Variants in STRA6 observed in about 807,000 individuals in gnomAD.
The protein encoded by STRA6 is signaling receptor and transporter of retinol STRA6.
A neutral mutation model predicts 83.6 loss-of-function variants in STRA6; 48 were observed. That is an observed-to-expected ratio of 0.57 (90% CI 0.46 to 0.73). The LOEUF (loss-of-function observed/expected upper bound fraction) is 0.73. STRA6 is among the 30% of genes least tolerant of loss of function. The pLI is 0.00. For synonymous variants in STRA6, 353 were observed against 362.3 expected (o/e 0.97, Z 0.29); for missense variants, 760 against 838.8 (o/e 0.91, Z 1.16).
At chr15:74,202,312 C>A in intron 1 of STRA6, 30 bp from the exon 2 acceptor site, 1 of 1,566,080 alleles carries the variant, frequency 6.4e-7, no homozygotes. Context: ...AAAAAAAAAG[C>A]CACTACAGAT....
Position 74,188,123 on chromosome 15 carries a change from G to A in STRA6, c.1090+992C>T, listed in dbSNP as rs552866601. On this transcript the variant is annotated intron_variant, in intron 12 of 18. Transcript: ENST00000395105. The surrounding 1 kb of genome is among the most constrained non-coding windows in gnomAD (Gnocchi z 4.5). ...CTAGTACGGGAACTGAGGTGCTCAC[G>A]GAGATGGTGGAGGTGGTCAGGGAAG... Among the ~76,000 whole-genome samples, 1 of 152,190 alleles carries A rather than the reference G, an allele frequency of 6.6e-6. No individual in the cohort carries two copies. Among genetic ancestry groups the A allele is most frequent in the African/African-American group, 2.4e-5 (1 of 41,460 alleles).
Position 74,179,903 on chromosome 15 carries a change from A to G in STRA6, c.*177T>C. ...GGCTCTCCCATAGCCAAGTGGGTGG[A>G]GCAGAGCCCTCCTGAGGCTCCCAGT... On this transcript the variant is annotated 3_prime_UTR_variant, in exon 19 of 19. Transcript: ENST00000395105. 1.2e-6 allele frequency: 1 copy of G among 814,748 alleles called. No homozygotes were observed. 50.5% of individuals were successfully genotyped at this position (814,748 alleles called of 1,614,324 possible).
upstream of STRA6, among the ~76,000 whole-genome samples, chr15:74,207,539 G>C (rs1190193523): frequency 6.6e-6 from 1 of 152,178 alleles, no homozygotes; most frequent in Non-Finnish European, 1.5e-5. Context: ...GACCCCCGTT[G>C]CTCTCCACCC....
Position 74,193,940 on chromosome 15 carries a change from C to T in STRA6, c.598-18G>A. On this transcript the variant is annotated intron_variant, in intron 7 of 18. Coordinates refer to ENST00000395105, the MANE Select transcript of STRA6 (RefSeq NM_022369.4). ...TTGTAGATCTGGACAGACAAACACC[C>T]AGACAGACTACTTTCCACCTTCTTC... 6.2e-7 allele frequency: 1 copy of T among 1,611,988 alleles called. No individual in the cohort carries two copies. Among genetic ancestry groups the T allele is most frequent in the Non-Finnish European group, 8.5e-7 (1 of 1,178,620 alleles).
intron 14 of STRA6, 142 bp from the exon 15 acceptor site, chr15:74,182,602 C>A: frequency 1.5e-6 from 1 of 671,210 alleles, no homozygotes. Flanking sequence ...GCTATGCTGC[C>A]TTGAACAAAT....
chr15:74,209,779 A>AATG (rs1382986402), upstream of STRA6: 3 of 266,562 alleles, frequency 1.1e-5, no homozygotes, highest in African/African-American at 6.6e-5. Context: ...TGGGGAAGGA[A>AATG]ATGGTGCTCA....
At chr15:74,187,929 G>T (rs1187597037) in intron 12 of STRA6, among the ~76,000 whole-genome samples, 1 of 152,152 alleles carries the variant, frequency 6.6e-6, no homozygotes, top group African/African-American at 2.4e-5. Context: ...GGGTCACTGT[G>T]AGCAAGGGTC....
In STRA6 at chr15:74,197,398, A is replaced by G. The variant is rs2073867866; in HGVS notation, c.206T>C (p.Met69Thr). 2 of 1,550,510 alleles carry G rather than the reference A, an allele frequency of 1.3e-6. No individual in the cohort carries two copies. Among genetic ancestry groups the G allele is most frequent in the Non-Finnish European group, 1.7e-6 (2 of 1,146,912 alleles). ...CCAGAGCTGGCGGCGCCTCACCAGC[A>G]TGGCCAGGAGCAGCAGCACAAGGAT... ...LSILVLLLLA[M>T]LVRRRQLWPD... is the part of the protein sequence containing the mutation. The change falls in exon 4 of 19, where the codon ATG (methionine) becomes ACG (threonine). Residue 69 changes from methionine to threonine, a missense_variant. Coordinates refer to ENST00000395105, the MANE Select transcript of STRA6 (RefSeq NM_022369.4).
At chr15:74,201,633 C>T (rs938890952) in intron 2 of STRA6, among the ~76,000 whole-genome samples, 1 of 152,182 alleles carries the variant, frequency 6.6e-6, no homozygotes, top group Non-Finnish European at 1.5e-5. Flanking sequence ...CTGAGACCAT[C>T]CAAAGACAAC....
chr15:74,205,784 C>T (rs541696593), upstream of STRA6, among the ~76,000 whole-genome samples: 2 of 152,332 alleles, frequency 1.3e-5, no homozygotes, highest in South Asian at 4.1e-4. Context: ...ACAATACCAC[C>T]TCCCTCCTCA....
intron 13 of STRA6, 110 bp from the exon 14 acceptor site, chr15:74,184,099 C>T: frequency 6.6e-7 from 1 of 1,509,700 alleles, no homozygotes; most frequent in Non-Finnish European, 9.0e-7. Context: ...AACTCACAGC[C>T]ATCAGCAGGG....
rs933934401 is a variant in STRA6 at position 74,188,985 on chromosome 15, C to T, written c.1090+130G>A. Reference sequence around the variant, plus strand: ...TGCCACAATTTGGAGATGAGGCAATCGAGACCCAGAGAGAGGAAGGAATGT... The same window carrying T: ...TGCCACAATTTGGAGATGAGGCAATTGAGACCCAGAGAGAGGAAGGAATGT... On this transcript the variant is annotated intron_variant, in intron 12 of 18. Transcript: ENST00000395105. The surrounding 1 kb of genome is among the most constrained non-coding windows in gnomAD (Gnocchi z 4.5). 6.9e-6 allele frequency: 8 copies of T among 1,156,010 alleles called. No homozygotes were observed. Among genetic ancestry groups the T allele is most frequent in the Non-Finnish European group, 8.6e-6 (7 of 811,370 alleles). 71.6% of individuals were successfully genotyped at this position (1,156,010 alleles called of 1,614,324 possible).
At chr15:74,207,733 G>A (rs1430234253), upstream of STRA6, 11 of 1,535,596 alleles carry the variant, frequency 7.2e-6, no homozygotes, top group South Asian at 9.5e-5. Context: ...CCATGAATAA[G>A]CAGCCGAGAG....
intron 7 of STRA6, chr15:74,195,046 A>T: frequency 1.4e-6 from 2 of 1,443,694 alleles, no homozygotes; most frequent in South Asian, 2.9e-5. Flanking sequence ...TCTTCCCCCT[A>T]CTCTGCCCAC....
upstream of STRA6, chr15:74,202,823 T>A: frequency 9.2e-7 from 1 of 1,082,482 alleles, no homozygotes. Flanking sequence ...CTTGAGCCCC[T>A]CCCCCAGCCT....
chr15:74,197,535 T>C (rs2073874911), intron 3 of STRA6, 112 bp from the exon 4 acceptor site: 1 of 1,111,050 alleles, frequency 9.0e-7, no homozygotes, highest in Non-Finnish European at 1.3e-6. Context: ...CAGTGCACAC[T>C]CATGTGACAT....
chr15:74,182,211 G>C lies in STRA6; in HGVS notation c.1470C>G (p.Ala490=). 6.2e-7 allele frequency: 1 copy of C among 1,614,190 alleles called. No individual in the cohort carries two copies. The highest frequency in any genetic ancestry group is 8.5e-7 in the Non-Finnish European group (1 of 1,180,024). Residue 490 remains alanine, a synonymous_variant, in exon 16 of 19, where the codon GCC becomes GCG. Coordinates refer to ENST00000395105, the MANE Select transcript of STRA6 (RefSeq NM_022369.4). ...ALAVILQNMA[A]HWVFLETHDG... ...CATGAGTCTCCAGGAAGACCCAATG[G>C]GCTGCCATGTTCTGCAGGATCACAG...
chr15:74,196,157 A>G lies in STRA6; in HGVS notation c.267-10T>C. ...CAAGAAATCCACAGGGCTAGCACAGAGGCAAGGACAGGGCAGGAGGGAGTT... is the reference window on the plus strand; with the variant it reads ...CAAGAAATCCACAGGGCTAGCACAGGGGCAAGGACAGGGCAGGAGGGAGTT... On this transcript the variant is annotated splice_polypyrimidine_tract_variant and intron_variant, in intron 4 of 18. Transcript: ENST00000395105. The G allele has an allele frequency of 6.2e-7, 1 of 1,613,360 alleles. No individual in the cohort carries two copies. Among genetic ancestry groups the G allele is most frequent in the Non-Finnish European group, 8.5e-7 (1 of 1,179,968 alleles).
In STRA6 at chr15:74,202,154, C is replaced by A; in HGVS notation, c.113+1G>T. On this transcript the variant is annotated splice_donor_variant, in intron 2 of 18. Coordinates refer to ENST00000395105, the MANE Select transcript of STRA6 (RefSeq NM_022369.4). LOFTEE classifies it high-confidence loss of function. ...GTGAGGTGGGGTGGTTCCACACTTACCCCTCTGGCTGGAGCTCCTCGCCCC... is the reference window on the plus strand; with the variant it reads ...GTGAGGTGGGGTGGTTCCACACTTAACCCTCTGGCTGGAGCTCCTCGCCCC... 2 of 1,499,700 alleles carry A rather than the reference C, an allele frequency of 1.3e-6. No homozygotes were observed. The highest frequency in any genetic ancestry group is 1.8e-6 in the Non-Finnish European group (2 of 1,126,394). The allele number at this position is 1,499,700 out of a possible 1,614,324, so 92.9% of individuals were successfully genotyped here. A position where few individuals can be genotyped will look rare whatever the true frequency, so the allele number is the denominator to read the frequency against.
Sources: gnomAD v4.1 joint callset for allele counts (sites outside exome capture counted in the v4.1 genomes callset) on GRCh38, gnomAD v4.1.1 for gene constraint, Gnocchi (gnomAD v3.1) non-coding constraint, MANE v1.5 for transcripts, NCBI Gene and HGNC (gene_info 2026-07-23, HGNC 2026-07-21) for gene names.